Variants in FSHR observed in about 807,000 individuals in gnomAD.
FSHR encodes follicle stimulating hormone receptor, also known as follicle-stimulating hormone receptor.
Under a neutral mutation model 52.1 loss-of-function variants are expected in FSHR, and 46 were observed. The observed-to-expected ratio is 0.88, with a 90% confidence interval of 0.70 to 1.13. The LOEUF (loss-of-function observed/expected upper bound fraction) is 1.13, where lower values mean the gene tolerates loss of function less well. Ranked by LOEUF, FSHR falls within the 50% of genes most tolerant of loss-of-function variation. The pLI, the probability that FSHR is intolerant of heterozygous loss-of-function variation, is 0.00. For missense variants in FSHR, 964 were observed against 834.6 expected, an observed-to-expected ratio of 1.16 and a Z score of -1.91; for synonymous variants, 399 against 309.6, an observed-to-expected ratio of 1.29 and a Z score of -3.03.
At chr2:49,022,794 C>A (rs926188353) in intron 2 of FSHR, among the ~76,000 whole-genome samples, 1 of 152,118 alleles carries the variant, frequency 6.6e-6, no homozygotes, top group Admixed American at 6.5e-5. Flanking sequence ...GTGCAAGGTG[C>A]CTTCATCCTC....
chr2:49,039,807 G>C (rs536985681), intron 2 of FSHR, among the ~76,000 whole-genome samples: 1 of 152,210 alleles, frequency 6.6e-6, no homozygotes, highest in Admixed American at 6.5e-5. Context: ...ATATAATTTT[G>C]TTTTATGTGT....
At position 49,020,345 on chromosome 2, in the gene FSHR, A is replaced by T. The variant is rs183250305; in HGVS notation, c.225-185T>A. Among the ~76,000 whole-genome samples, 285 of 152,304 alleles carry T rather than the reference A, an allele frequency of 1.9e-3. 1 individual carries two copies. In the Middle Eastern group the frequency reaches 0.027, roughly 15 times the overall value. On this transcript the variant is annotated intron_variant, in intron 2 of 9. Transcript: ENST00000406846. ...CATACTAGAGGCTAACACTTACCGA[A>T]CAAGAGGAGAATAAGTCGAAGGCTG...
chr2:49,054,752 T>G lies in FSHR; in HGVS notation c.224+13467A>C, dbSNP rs564163282. ...TGCAGACTCTCTCAGCTTAGGCTGC[T>G]GAGACACTCGCAAACATTACTAGCA... On this transcript the variant is annotated intron_variant, in intron 2 of 9. Transcript: ENST00000406846. Among the ~76,000 whole-genome samples the G allele has an allele frequency of 7.2e-5, 11 of 152,278 alleles. No individual in the cohort carries two copies. The South Asian group carries it at 1.5e-3, about 20-fold the overall frequency.
chr2:49,012,151 T>G (rs1667299876), intron 4 of FSHR, among the ~76,000 whole-genome samples: 1 of 152,066 alleles, frequency 6.6e-6, no homozygotes, highest in Non-Finnish European at 1.5e-5. Flanking sequence ...TAAAATGGAA[T>G]TATGGTTTAT....
At chr2:49,088,050 C>G (rs530831724) in intron 1 of FSHR, among the ~76,000 whole-genome samples, 1 of 152,286 alleles carries the variant, frequency 6.6e-6, no homozygotes, top group East Asian at 1.9e-4. Flanking sequence ...ACTATCCATA[C>G]TTGTGTCCAC....
At chr2:49,079,321 T>C (rs1670074302) in intron 1 of FSHR, among the ~76,000 whole-genome samples, 3 of 152,144 alleles carry the variant, frequency 2.0e-5, no homozygotes, top group African/African-American at 7.2e-5. Flanking sequence ...AGTATATAAA[T>C]TGAAGGCAAA....
At chr2:49,128,551 G>C (rs999582506) in intron 1 of FSHR, among the ~76,000 whole-genome samples, 1 of 151,912 alleles carries the variant, frequency 6.6e-6, no homozygotes, top group African/African-American at 2.4e-5. Context: ...AGGTCAAGAA[G>C]AAAAGCAAGG....
chr2:48,974,642 G>A (rs2104027697), intron 8 of FSHR, among the ~76,000 whole-genome samples: 1 of 152,340 alleles, frequency 6.6e-6, no homozygotes, highest in South Asian at 2.1e-4. Flanking sequence ...AAAGCTTACT[G>A]TCTGAAGTGA....
chr2:48,963,149 T>G lies in FSHR; in HGVS notation c.1672A>C (p.Asn558His), dbSNP rs773713354. The change falls in exon 10 of 10, where the codon AAC (asparagine) becomes CAC (histidine). Residue 558 changes from asparagine to histidine, a missense_variant. Physicochemically the swap from Asn to His is moderately conservative, Grantham distance 68. Transcript: ENST00000406846. The stretch of plus-strand genomic sequence containing the variant: ...CTAGAGGAGGACACGATGTTGGGGT[T>G]CCGCACTGTGAGGTAGATGTGGATA... Reference protein sequence around the residue: ...CYIHIYLTVRNPNIVSSSSDT... With the variant: ...CYIHIYLTVRHPNIVSSSSDT... The G allele has an allele frequency of 8.7e-6, 14 of 1,613,930 alleles. No individual in the cohort carries two copies. The highest frequency in any genetic ancestry group is 1.1e-5 in the Non-Finnish European group (13 of 1,180,002).
chr2:49,002,992 T>C (rs1386402007), intron 4 of FSHR, among the ~76,000 whole-genome samples: 2 of 152,172 alleles, frequency 1.3e-5, no homozygotes, highest in Non-Finnish European at 2.9e-5. Context: ...CCTTCAAGCA[T>C]GCCAGGCTTT....
At chr2:49,143,649 A>G (rs1046911210) in intron 1 of FSHR, among the ~76,000 whole-genome samples, 11 of 152,238 alleles carry the variant, frequency 7.2e-5, no homozygotes. Context: ...ACAAGGACAG[A>G]AGAACAAGAG....
intron 1 of FSHR, among the ~76,000 whole-genome samples, chr2:49,131,881 C>G (rs1672292949): frequency 6.6e-6 from 1 of 152,172 alleles, no homozygotes; most frequent in Admixed American, 6.6e-5. Flanking sequence ...ATGCCTCACC[C>G]TTTAAAGGAA....
intron 1 of FSHR, among the ~76,000 whole-genome samples, chr2:49,115,198 A>T (rs1474227510): frequency 6.6e-6 from 1 of 151,178 alleles, no homozygotes; most frequent in African/African-American, 2.4e-5. Context: ...ACCTGGAGGC[A>T]CCGGAGCAGA....
chr2:48,983,495 C>A (rs371985775), intron 6 of FSHR, among the ~76,000 whole-genome samples: 3 of 152,106 alleles, frequency 2.0e-5, no homozygotes, highest in Admixed American at 2.0e-4. Context: ...AGAAGCAATG[C>A]GGGGAGCGAC....
chr2:49,097,720 A>G (rs907450414), intron 1 of FSHR, among the ~76,000 whole-genome samples: 3 of 152,224 alleles, frequency 2.0e-5, no homozygotes, highest in African/African-American at 7.2e-5. Flanking sequence ...TGGTTTCTGA[A>G]GTTTAACATC....
intron 2 of FSHR, among the ~76,000 whole-genome samples, chr2:49,037,964 A>T (rs953858532): frequency 7.2e-5 from 11 of 152,208 alleles, no homozygotes; most frequent in African/African-American, 2.7e-4. Flanking sequence ...CTCAATAGTG[A>T]AACTACAAAG....
chr2:49,010,458 A>G (rs1026544833), intron 4 of FSHR, among the ~76,000 whole-genome samples: 13 of 152,176 alleles, frequency 8.5e-5, no homozygotes, highest in Admixed American at 3.3e-4. Flanking sequence ...TTTTGCATCA[A>G]TGTTCATCAG....
chr2:49,025,876 A>G (rs1422849176), intron 2 of FSHR, among the ~76,000 whole-genome samples: 1 of 152,244 alleles, frequency 6.6e-6, no homozygotes, highest in Admixed American at 6.5e-5. Flanking sequence ...TAGGTAGAGC[A>G]TGTATGTGCC....
intron 6 of FSHR, among the ~76,000 whole-genome samples, chr2:48,986,166 T>C (rs112783723): frequency 0.014 from 2,164 of 152,278 alleles, 46 homozygotes; most frequent in African/African-American, 0.044. Flanking sequence ...CTGTTGTTCC[T>C]TTCCTAGAAT....
Sources: gnomAD v4.1 joint callset for allele counts (sites outside exome capture counted in the v4.1 genomes callset) on GRCh38, gnomAD v4.1.1 for gene constraint, MANE v1.5 for transcripts, NCBI Gene and HGNC (gene_info 2026-07-23, HGNC 2026-07-21) for gene names.